The following VIPR1 variants were observed in gnomAD, a reference collection of about 807,000 sequenced individuals.
The protein encoded by VIPR1 is vasoactive intestinal peptide receptor 1.
A neutral mutation model predicts 58.8 loss-of-function variants in VIPR1; 59 were observed. The ratio of observed to expected loss-of-function variants is 1.00; its 90% CI spans 0.81 to 1.25. The LOEUF (loss-of-function observed/expected upper bound fraction) is 1.25, where lower values mean the gene tolerates loss of function less well. Ranked by LOEUF, VIPR1 falls within the 50% of genes most tolerant of loss-of-function variation. The probability of loss-of-function intolerance (pLI) is 0.00; values close to 1 mark genes in which losing one functional copy is unlikely to be tolerated. For synonymous variants in VIPR1, 251 were observed against 242.1 expected (o/e 1.04, Z -0.34); for missense variants, 626 against 602.7 (o/e 1.04, Z -0.40).
In VIPR1 at chr3:42,530,811, A is replaced by G; in HGVS notation, c.669A>G (p.Gln223=). The G allele has an allele frequency of 1.2e-6, 2 of 1,613,978 alleles. No individual in the cohort carries two copies. ...GTAAGGCAGCCATGGTCTTTTTCCA[A>G]TATTGTGTCATGGCTAACTTCTTCT... The part of the protein sequence containing the change: ...VGCKAAMVFF[Q]YCVMANFFWL... Residue 223 remains glutamine, a synonymous_variant, in exon 7 of 13, where the codon CAA becomes CAG. Coordinates refer to ENST00000325123, the MANE Select transcript of VIPR1 (RefSeq NM_004624.4).
intron 6 of VIPR1, 125 bp from the exon 7 acceptor site, chr3:42,530,654 T>C: frequency 8.5e-7 from 1 of 1,182,794 alleles, no homozygotes; most frequent in Non-Finnish European, 1.2e-6. Context: ...AAGGGGATAA[T>C]GCAAAACAAC....
At chr3:42,531,899 G>A (rs1701576922) in intron 9 of VIPR1, 30 bp downstream of exon 9, 1 of 1,613,676 alleles carries the variant, frequency 6.2e-7, no homozygotes, top group Admixed American at 1.7e-5. Context: ...CCTAGAGATG[G>A]GGAAACAGGC....
chr3:42,532,635 T>C (rs1195757696), intron 10 of VIPR1: 1 of 496,772 alleles, frequency 2.0e-6, no homozygotes, highest in Non-Finnish European at 3.7e-6. Context: ...ACCTGTGTCT[T>C]GTTCATACCA....
chr3:42,531,633 C>T lies in VIPR1; in HGVS notation c.851+102C>T. Reference sequence around the variant, plus strand: ...GGCCTTGGTGAGTGGACAAAAACCACAGCTCTCGGGCCAGAGGGGAGGCTG... The same window carrying T: ...GGCCTTGGTGAGTGGACAAAAACCATAGCTCTCGGGCCAGAGGGGAGGCTG... On this transcript the variant is annotated intron_variant, in intron 8 of 12. Coordinates refer to ENST00000325123, the MANE Select transcript of VIPR1 (RefSeq NM_004624.4). The T allele has an allele frequency of 3.2e-6, 5 of 1,564,742 alleles. No individual in the cohort carries two copies. In the East Asian group the frequency reaches 9.2e-5, roughly 29 times the overall value.
intron 11 of VIPR1, 75 bp downstream of exon 11, chr3:42,535,179 C>G: frequency 6.2e-7 from 1 of 1,607,198 alleles, no homozygotes; most frequent in Non-Finnish European, 8.5e-7. Flanking sequence ...TGGCCCTTGC[C>G]ACTGGATTCC....
intron 1 of VIPR1, among the ~76,000 whole-genome samples, chr3:42,491,188 G>A (rs1178845820): frequency 6.6e-6 from 1 of 152,210 alleles, no homozygotes; most frequent in Admixed American, 6.5e-5. Flanking sequence ...GTCTCTGTAT[G>A]AAATTTGAAT....
Position 42,525,933 on chromosome 3 carries a change from G to A in VIPR1, c.339G>A (p.Leu113=), listed in dbSNP as rs1332933090. The A allele has an allele frequency of 2.5e-6, 4 of 1,613,542 alleles. No individual in the cohort carries two copies. Among genetic ancestry groups the A allele is most frequent in the East Asian group, 4.5e-5 (2 of 44,880 alleles). The change falls in exon 4 of 13, where the codon CTG becomes CTA. Residue 113 remains leucine (L), a synonymous_variant. Transcript: ENST00000325123. ...GCACCGACGAAGGCTGGACGCACCT[G>A]GAGCCTGGCCCGTACCCCATTGCCT... is the stretch of plus-strand genomic sequence containing the variant. ...RSCTDEGWTH[L]EPGPYPIACG...
intron 10 of VIPR1, chr3:42,534,290 C>T (rs191300305): frequency 6.6e-5 from 10 of 152,218 alleles, no homozygotes; most frequent in African/African-American, 1.7e-4. Flanking sequence ...AACTTGGGTC[C>T]CCATCACCCT....
chr3:42,501,200 G>A (rs1282776946), upstream of VIPR1, among the ~76,000 whole-genome samples: 1 of 152,104 alleles, frequency 6.6e-6, no homozygotes, highest in Admixed American at 6.5e-5. The surrounding 1 kb of genome is among the most constrained non-coding windows in gnomAD (Gnocchi z 4.8). Context: ...AGTACGCCCT[G>A]AAGAAAGGGC....
At chr3:42,512,661 C>A in intron 1 of VIPR1, 1 of 884,524 alleles carries the variant, frequency 1.1e-6, no homozygotes, top group Non-Finnish European at 1.4e-6. Context: ...GAGGGACAAG[C>A]TGGAGGAGAC....
chr3:42,504,301 T>A (rs1174233709), intron 1 of VIPR1, among the ~76,000 whole-genome samples: 2 of 152,130 alleles, frequency 1.3e-5, no homozygotes, highest in African/African-American at 4.8e-5. Context: ...CAGAGAGGTC[T>A]CCTTTCACAC....
At position 42,536,297 on chromosome 3, in the gene VIPR1, G is replaced by A; in HGVS notation, c.*16G>A. 6.6e-7 allele frequency: 1 copy of A among 1,516,042 alleles called. No individual in the cohort carries two copies. Among genetic ancestry groups the A allele is most frequent in the Non-Finnish European group, 8.8e-7 (1 of 1,137,226 alleles). 93.9% of individuals were successfully genotyped at this position (1,516,042 alleles called of 1,614,324 possible). A position where few individuals can be genotyped will look rare whatever the true frequency, so the allele number is the denominator to read the frequency against. On this transcript the variant is annotated 3_prime_UTR_variant, in exon 13 of 13. Transcript: ENST00000325123. The stretch of plus-strand genomic sequence containing the variant: ...CCTGGTCTGACCACCAGGATCCCAG[G>A]GGCCCAAGGCGGCCCCTCCCGCCCC...
At chr3:42,517,686 G>A (rs1577224056) in intron 2 of VIPR1, among the ~76,000 whole-genome samples, 1 of 152,160 alleles carries the variant, frequency 6.6e-6, no homozygotes, top group East Asian at 1.9e-4. Flanking sequence ...TCAAGAACTA[G>A]GTGCGGGCTG....
At chr3:42,514,725 G>A (rs1398617382) in intron 2 of VIPR1, among the ~76,000 whole-genome samples, 2 of 151,980 alleles carry the variant, frequency 1.3e-5, no homozygotes, top group Non-Finnish European at 2.9e-5. Context: ...GCACATGAGG[G>A]CCCCAGCCAC....
chr3:42,530,478 G>T, intron 6 of VIPR1: 1 of 311,882 alleles, frequency 3.2e-6, no homozygotes, highest in Non-Finnish European at 6.0e-6. Context: ...TAAATAAATG[G>T]ATACATGGAT....
At chr3:42,504,077 A>C (rs1404810306) in intron 1 of VIPR1, among the ~76,000 whole-genome samples, 2 of 152,068 alleles carry the variant, frequency 1.3e-5, no homozygotes, top group African/African-American at 4.8e-5. Flanking sequence ...CCACCTCCTG[A>C]GCACTCAAAA....
intron 2 of VIPR1, 44 bp from the exon 3 acceptor site, chr3:42,519,179 C>T (rs1193062151): frequency 1.3e-6 from 2 of 1,515,204 alleles, no homozygotes; most frequent in African/African-American, 1.4e-5. Flanking sequence ...GCTGGAGGCA[C>T]CTGCACTGTG....
rs80264133 is a variant in VIPR1 at position 42,520,265 on chromosome 3, G to A, written c.292+935G>A. ...ATGAAGGGAGGGGAGGGACAGGTGC[G>A]CCGAGGCCAGACCATGCAGGGCCTT... On this transcript the variant is annotated intron_variant, in intron 3 of 12. Transcript: ENST00000325123. 9.6e-3 allele frequency among the ~76,000 whole-genome samples: 1,456 copies of A among 152,282 alleles called. 33 individuals are homozygous for A. The highest frequency in any genetic ancestry group is 0.033 in the African/African-American group (1,391 of 41,566).
At chr3:42,527,841 ATTTCAGGATGGGATCCCC>A in intron 5 of VIPR1, 132 bp from the exon 6 acceptor site, 1 of 1,181,688 alleles carries the variant, frequency 8.5e-7, no homozygotes, top group Non-Finnish European at 1.2e-6. Context: ...TGGGGCTCGT[ATTTCAGGATGGGATCCCC>A]TTTGAGGCGG....
Sources: gnomAD v4.1 joint callset for allele counts (sites outside exome capture counted in the v4.1 genomes callset) on GRCh38, gnomAD v4.1.1 for gene constraint, Gnocchi (gnomAD v3.1) non-coding constraint, MANE v1.5 for transcripts, NCBI Gene and HGNC (gene_info 2026-07-23, HGNC 2026-07-21) for gene names.